USP24: variants seen among roughly 807,000 people sequenced by gnomAD.
USP24 encodes the protein ubiquitin carboxyl-terminal hydrolase 24.
In USP24, 97 loss-of-function variants were observed where a neutral mutation model predicts 361.6. The observed-to-expected ratio is 0.27, with a 90% confidence interval of 0.23 to 0.32. USP24 has a LOEUF of 0.32. Ranked by LOEUF, USP24 falls within the 10% of genes least tolerant of loss-of-function variation. The pLI is 1.00. For missense variants in USP24, 2,353 were observed against 3,165.6 expected, an observed-to-expected ratio of 0.74 and a Z score of 6.16; for synonymous variants, 1,098 against 1,124.6, an observed-to-expected ratio of 0.98 and a Z score of 0.47.
At chr1:55,164,298 T>C (rs1179353925) in intron 7 of USP24, among the ~76,000 whole-genome samples, 1 of 152,064 alleles carries the variant, frequency 6.6e-6, no homozygotes, top group Non-Finnish European at 1.5e-5. Flanking sequence ...AGGCATCTGT[T>C]AAACTGGTAA....
intron 67 of USP24, chr1:55,071,114 A>G: frequency 4.1e-6 from 4 of 983,150 alleles, no homozygotes; most frequent in Non-Finnish European, 4.8e-6. Context: ...GATCCGAAAG[A>G]TAACACTTAA....
intron 5 of USP24, among the ~76,000 whole-genome samples, chr1:55,169,916 A>T (rs896162113): frequency 6.6e-6 from 1 of 152,164 alleles, no homozygotes; most frequent in African/African-American, 2.4e-5. Context: ...TTAAGAGGGG[A>T]GCGAGCACAT....
intron 38 of USP24, among the ~76,000 whole-genome samples, chr1:55,119,693 T>TTA (rs954729755): frequency 6.6e-6 from 1 of 151,910 alleles, no homozygotes; most frequent in Non-Finnish European, 1.5e-5. Flanking sequence ...TTTATAATAG[T>TTA]TATATATATA....
intron 3 of USP24, 32 bp downstream of exon 3, chr1:55,176,344 C>T (rs1200030400): frequency 1.3e-6 from 2 of 1,544,518 alleles, no homozygotes; most frequent in Non-Finnish European, 1.8e-6. Flanking sequence ...CCCCGACACA[C>T]ACAAAATATC....
intron 17 of USP24, among the ~76,000 whole-genome samples, chr1:55,148,262 G>A (rs1457228106): frequency 1.4e-5 from 2 of 139,582 alleles, no homozygotes; most frequent in Non-Finnish European, 1.5e-5. Context: ...AAGAAAATGA[G>A]TTAAGGAGAT....
intron 23 of USP24, 124 bp downstream of exon 23, chr1:55,142,618 T>C: frequency 1.4e-6 from 1 of 704,564 alleles, no homozygotes; most frequent in Non-Finnish European, 2.3e-6. Context: ...TATGGTACTG[T>C]TGATAAATTC....
chr1:55,108,567 G>C (rs529449833), intron 39 of USP24, among the ~76,000 whole-genome samples: 19 of 152,132 alleles, frequency 1.2e-4, no homozygotes, highest in African/African-American at 4.6e-4. Flanking sequence ...ACTGGCTTAC[G>C]GAATACACTC....
intron 38 of USP24, among the ~76,000 whole-genome samples, chr1:55,117,471 G>C (rs945341569): frequency 1.3e-5 from 2 of 152,200 alleles, no homozygotes; most frequent in Non-Finnish European, 2.9e-5. Flanking sequence ...GCTCACGCCT[G>C]TAATCCCAGC....
chr1:55,091,889 C>A (rs936541020), intron 54 of USP24, 134 bp downstream of exon 54: 11 of 641,460 alleles, frequency 1.7e-5, no homozygotes, highest in Middle Eastern at 3.6e-4. Flanking sequence ...TTTCTTAAAG[C>A]TAGAGACCAT....
chr1:55,151,941 G>A (rs1419607154), intron 16 of USP24: 4 of 985,788 alleles, frequency 4.1e-6, no homozygotes, highest in Non-Finnish European at 4.8e-6. Flanking sequence ...TAGCCTGGCA[G>A]GGAGACATAA....
Position 55,145,381 on chromosome 1 carries a change from T to C in USP24, c.2362+617A>G, listed in dbSNP as rs568963972. Among the ~76,000 whole-genome samples the C allele has an allele frequency of 3.3e-5, 5 of 152,270 alleles. No homozygotes were observed. The South Asian group carries it at 1.0e-3, about 32-fold the overall frequency. On this transcript the variant is annotated intron_variant, in intron 20 of 67. Transcript: ENST00000294383. The stretch of plus-strand genomic sequence containing the variant: ...CAACCTGGGCGAACCCTGAAAACAT[T>C]ATGCCTTAGTACAATGAAAGAAGCC...
chr1:55,115,229 G>C (rs944341192), intron 38 of USP24, among the ~76,000 whole-genome samples: 1 of 151,982 alleles, frequency 6.6e-6, no homozygotes, highest in Admixed American at 6.6e-5. Context: ...TCATTAAAAA[G>C]GAAACAAGGC....
intron 30 of USP24, among the ~76,000 whole-genome samples, chr1:55,133,355 A>G (rs143357083): frequency 1.3e-5 from 2 of 152,352 alleles, no homozygotes; most frequent in African/African-American, 4.8e-5. Flanking sequence ...TAATCCATTT[A>G]TATTAGCAAC....
chr1:55,184,614 A>ACCT (rs1644075025), intron 1 of USP24, among the ~76,000 whole-genome samples: 2 of 152,202 alleles, frequency 1.3e-5, no homozygotes, highest in Non-Finnish European at 2.9e-5. Context: ...CTCTCCACCC[A>ACCT]ATTACAGTAA....
intron 1 of USP24, among the ~76,000 whole-genome samples, chr1:55,212,576 C>T (rs1644872703): frequency 1.3e-5 from 2 of 152,164 alleles, no homozygotes; most frequent in African/African-American, 2.4e-5. Context: ...TCAAGAGCCT[C>T]AGTTTCCCAC....
At chr1:55,133,113 G>C (rs1646637629) in intron 30 of USP24, among the ~76,000 whole-genome samples, 1 of 152,052 alleles carries the variant, frequency 6.6e-6, no homozygotes, top group African/African-American at 2.4e-5. Context: ...CTTTAAATTA[G>C]TGTATAAGCA....
At chr1:55,099,906 T>C in intron 44 of USP24, 37 bp from the exon 45 acceptor site, 1 of 1,451,030 alleles carries the variant, frequency 6.9e-7, no homozygotes, top group South Asian at 1.2e-5. Context: ...AAAGGAAAAG[T>C]AGCAATTTCT....
chr1:55,167,123 C>A (rs1423013437), intron 5 of USP24, among the ~76,000 whole-genome samples: 1 of 152,074 alleles, frequency 6.6e-6, no homozygotes, highest in Non-Finnish European at 1.5e-5. Context: ...TTTTATGAAG[C>A]TCATTCTAGC....
intron 58 of USP24, among the ~76,000 whole-genome samples, chr1:55,082,911 G>A (rs1645179545): frequency 4.6e-5 from 7 of 151,860 alleles, no homozygotes; most frequent in Admixed American, 4.6e-4. Flanking sequence ...TTGGATTCTG[G>A]CTGTGTTTTC....
Sources: allele counts gnomAD v4.1 joint callset (sites outside exome capture counted in the v4.1 genomes callset), GRCh38; gene constraint gnomAD v4.1.1; transcripts MANE v1.5; gene names NCBI Gene and HGNC (gene_info 2026-07-23, HGNC 2026-07-21).